TBC1D4: variants seen among roughly 807,000 people sequenced by gnomAD.
TBC1D4 encodes the protein TBC1 domain family member 4.
A neutral mutation model predicts 142.5 loss-of-function variants in TBC1D4; 121 were observed. The observed-to-expected ratio is 0.85, with a 90% CI of 0.73 to 0.99. The LOEUF (loss-of-function observed/expected upper bound fraction) is 0.99. Ranked by LOEUF, TBC1D4 falls within the 50% of genes least tolerant of loss-of-function variation. The pLI is 0.00. For synonymous variants in TBC1D4, 630 were observed against 628.2 expected (o/e 1.00, Z -0.04); for missense variants, 1,475 against 1,606.6 (o/e 0.92, Z 1.40).
At position 75,361,079 on chromosome 13, in the gene TBC1D4, T is replaced by G. The variant is rs145270900; in HGVS notation, c.1080+947A>C. Among the ~76,000 whole-genome samples, 3 of 152,368 alleles carry G rather than the reference T, an allele frequency of 2.0e-5. No homozygotes were observed. In the East Asian group the frequency reaches 5.8e-4, roughly 29 times the overall value. On this transcript the variant is annotated intron_variant, in intron 2 of 20. Coordinates refer to ENST00000377636, the MANE Select transcript of TBC1D4 (RefSeq NM_014832.5). ...AGTATTGTTAGGAATTAAGTTATTTTAAGCGGAACCTGACACCTTCTATAC... is the reference window on the plus strand; with the variant it reads ...AGTATTGTTAGGAATTAAGTTATTTGAAGCGGAACCTGACACCTTCTATAC...
intron 1 of TBC1D4, among the ~76,000 whole-genome samples, chr13:75,389,591 T>A (rs1276191469): frequency 6.6e-6 from 1 of 152,032 alleles, no homozygotes; most frequent in Admixed American, 6.6e-5. Flanking sequence ...ATAATAATTA[T>A]GAGAAACAGT....
intron 1 of TBC1D4, among the ~76,000 whole-genome samples, chr13:75,435,508 G>A (rs996103295): frequency 3.3e-5 from 5 of 152,152 alleles, no homozygotes; most frequent in African/African-American, 1.2e-4. Flanking sequence ...ATTAGATATT[G>A]AAATGCTAAG....
chr13:75,286,697 C>T lies in TBC1D4; in HGVS notation c.*95G>A. The T allele has an allele frequency of 7.8e-7, 1 of 1,274,270 alleles. No homozygotes were observed. Among genetic ancestry groups the T allele is most frequent in the Non-Finnish European group, 1.1e-6 (1 of 895,176 alleles). 78.9% of individuals were successfully genotyped at this position (1,274,270 alleles called of 1,614,324 possible). On this transcript the variant is annotated 3_prime_UTR_variant, in exon 21 of 21. Transcript: ENST00000377636. ...CAGCACCAGTATTAGGTGGTTCCATCAGCTTCAGGGTCCAGCCTTGGGCCA... is the reference window on the plus strand; with the variant it reads ...CAGCACCAGTATTAGGTGGTTCCATTAGCTTCAGGGTCCAGCCTTGGGCCA...
intron 1 of TBC1D4, among the ~76,000 whole-genome samples, chr13:75,416,634 T>G (rs971142302): frequency 3.3e-5 from 5 of 152,194 alleles, no homozygotes; most frequent in Non-Finnish European, 7.3e-5. Flanking sequence ...TGGAAACCTA[T>G]TTGATCAGGC....
chr13:75,424,088 C>T (rs1376826168), intron 1 of TBC1D4, among the ~76,000 whole-genome samples: 1 of 151,940 alleles, frequency 6.6e-6, no homozygotes, highest in Non-Finnish European at 1.5e-5. Context: ...CACAGTGAGA[C>T]CTTATCTCTA....
chr13:75,468,164 G>A (rs1593918639), intron 1 of TBC1D4, among the ~76,000 whole-genome samples: 2 of 152,140 alleles, frequency 1.3e-5, no homozygotes, highest in African/African-American at 2.4e-5. Context: ...TCATGATCTG[G>A]ATTTTTCATG....
At chr13:75,304,173 A>G (rs1876912075) in intron 15 of TBC1D4, among the ~76,000 whole-genome samples, 1 of 152,250 alleles carries the variant, frequency 6.6e-6, no homozygotes, top group South Asian at 2.1e-4. Flanking sequence ...AATCAATGAC[A>G]GCATAGAAAA....
intron 8 of TBC1D4, among the ~76,000 whole-genome samples, 163 bp downstream of exon 8, chr13:75,336,758 A>G (rs998563920): frequency 8.5e-5 from 13 of 152,194 alleles, no homozygotes; most frequent in Non-Finnish European, 1.8e-4. Context: ...CAAAAAAACA[A>G]AAGAAAAAAA....
chr13:75,358,001 A>ATTT (rs11434134), intron 3 of TBC1D4, among the ~76,000 whole-genome samples: 4,720 of 151,326 alleles, frequency 0.031, 189 homozygotes, highest in African/African-American at 0.087. Flanking sequence ...TTTTCTTTCT[A>ATTT]TTTTTTTTTC....
chr13:75,471,845 G>A (rs752647120), intron 1 of TBC1D4, among the ~76,000 whole-genome samples: 3 of 152,070 alleles, frequency 2.0e-5, no homozygotes, highest in Non-Finnish European at 4.4e-5. Context: ...TGTGGCTCAC[G>A]CCTGTAATCC....
intron 12 of TBC1D4, among the ~76,000 whole-genome samples, chr13:75,317,916 C>T (rs1177281780): frequency 1.2e-4 from 19 of 152,166 alleles, no homozygotes; most frequent in Admixed American, 1.2e-3. Flanking sequence ...GGTAGGAAGG[C>T]TATTTCCAAG....
At chr13:75,300,392 T>C (rs7329261) in intron 16 of TBC1D4, among the ~76,000 whole-genome samples, 82,437 of 151,290 alleles carry the variant, frequency 0.54, 22,597 homozygotes, top group Non-Finnish European at 0.56. Flanking sequence ...TGGGCATTTT[T>C]CTAGGGCCAC....
intron 1 of TBC1D4, among the ~76,000 whole-genome samples, chr13:75,457,930 G>T (rs1424298616): frequency 6.6e-6 from 1 of 152,196 alleles, no homozygotes; most frequent in African/African-American, 2.4e-5. Flanking sequence ...GGAGCATGCA[G>T]ATGGGCAGGT....
At chr13:75,426,857 C>T (rs1303574141) in intron 1 of TBC1D4, among the ~76,000 whole-genome samples, 1 of 144,696 alleles carries the variant, frequency 6.9e-6, no homozygotes, top group Non-Finnish European at 1.5e-5. Context: ...GCCCAGGCAA[C>T]ATGGGGAGAC....
At chr13:75,384,044 C>T (rs1884021478) in intron 1 of TBC1D4, among the ~76,000 whole-genome samples, 1 of 151,972 alleles carries the variant, frequency 6.6e-6, no homozygotes, top group African/African-American at 2.4e-5. Context: ...TTAATGAGTG[C>T]AGCACACCAC....
intron 1 of TBC1D4, among the ~76,000 whole-genome samples, chr13:75,457,088 A>C (rs112975829): frequency 0.013 from 2,046 of 152,268 alleles, 25 homozygotes; most frequent in Non-Finnish European, 0.019. Context: ...AAAGTCATCT[A>C]TGATGACAGA....
intron 15 of TBC1D4, among the ~76,000 whole-genome samples, chr13:75,304,650 G>C (rs545979441): frequency 1.3e-5 from 2 of 152,256 alleles, no homozygotes; most frequent in Admixed American, 1.3e-4. Context: ...ATAATAGGAT[G>C]CTCTGGGCTT....
At position 75,357,929 on chromosome 13, in the gene TBC1D4, A is replaced by C. The variant is rs192149871; in HGVS notation, c.1171-1678T>G. Among the ~76,000 whole-genome samples the C allele has an allele frequency of 1.0e-3, 155 of 152,366 alleles. 1 individual carries two copies. Among genetic ancestry groups the C allele is most frequent in the Non-Finnish European group, 1.8e-3 (125 of 68,040 alleles). On this transcript the variant is annotated intron_variant, in intron 3 of 20. Transcript: ENST00000377636. ...CAGAATGCAAATCTTGACTTTAAAA[A>C]AATACAAAGGAGAAACAAGAAATTG...
At chr13:75,476,580 A>G (rs985044185) in intron 1 of TBC1D4, among the ~76,000 whole-genome samples, 3 of 152,236 alleles carry the variant, frequency 2.0e-5, no homozygotes, top group East Asian at 1.9e-4. Context: ...AATAATGTCT[A>G]TATCAGGGAA....
Sources: gnomAD v4.1 joint callset for allele counts (sites outside exome capture counted in the v4.1 genomes callset) on GRCh38, gnomAD v4.1.1 for gene constraint, MANE v1.5 for transcripts, NCBI Gene and HGNC (gene_info 2026-07-23, HGNC 2026-07-21) for gene names.